PTPRD: variants seen among roughly 807,000 people sequenced by gnomAD.
The protein encoded by PTPRD is protein tyrosine phosphatase receptor type D, also known as receptor-type tyrosine-protein phosphatase delta.
PTPRD carries 34 observed loss-of-function variants against 214.5 expected under a neutral mutation model. That is an observed-to-expected ratio of 0.16 (90% confidence interval 0.12 to 0.21). The LOEUF is 0.21. PTPRD is among the 10% of genes least tolerant of loss of function. The pLI, the probability that PTPRD is intolerant of heterozygous loss-of-function variation, is 1.00. For synonymous variants in PTPRD, 1,128 were observed against 845.7 expected (o/e 1.33, Z -5.79); for missense variants, 2,545 against 2,398.7 (o/e 1.06, Z -1.27).
chr9:9,981,815 A>G (rs751908287), intron 4 of PTPRD, among the ~76,000 whole-genome samples: 3 of 152,278 alleles, frequency 2.0e-5, no homozygotes, highest in Middle Eastern at 3.4e-3. Flanking sequence ...CATAACAACT[A>G]TCATCTAAAA....
At chr9:10,296,065 A>G (rs2095664221) in intron 3 of PTPRD, among the ~76,000 whole-genome samples, 1 of 152,222 alleles carries the variant, frequency 6.6e-6, no homozygotes, top group East Asian at 1.9e-4. Flanking sequence ...TATCACCACT[A>G]AACATGAACC....
intron 10 of PTPRD, among the ~76,000 whole-genome samples, chr9:9,070,168 A>G (rs2099741693): frequency 6.6e-6 from 1 of 152,178 alleles, no homozygotes; most frequent in Non-Finnish European, 1.5e-5. Context: ...AATTAGCTAG[A>G]TTCTGTCTTG....
chr9:8,758,283 G>A (rs1387199548), intron 11 of PTPRD, among the ~76,000 whole-genome samples: 1 of 152,092 alleles, frequency 6.6e-6, no homozygotes. Flanking sequence ...TCCTGAGATG[G>A]TACAAATGTA....
At chr9:10,493,273 A>C (rs891228218) in intron 2 of PTPRD, among the ~76,000 whole-genome samples, 3 of 152,172 alleles carry the variant, frequency 2.0e-5, no homozygotes, top group Non-Finnish European at 4.4e-5. Context: ...GAACCAAAAA[A>C]AGAACCTGTA....
chr9:9,681,627 A>C (rs1680355180), intron 7 of PTPRD, among the ~76,000 whole-genome samples: 1 of 151,740 alleles, frequency 6.6e-6, no homozygotes, highest in Non-Finnish European at 1.5e-5. Context: ...AAAGAAGCAA[A>C]CACCAGATTG....
At chr9:8,447,931 C>A (rs2095798635) in intron 34 of PTPRD, among the ~76,000 whole-genome samples, 3 of 152,100 alleles carry the variant, frequency 2.0e-5, no homozygotes, top group African/African-American at 7.2e-5. Context: ...GTAAGAAATG[C>A]AAGGAATCAT....
intron 8 of PTPRD, among the ~76,000 whole-genome samples, chr9:9,448,456 C>T (rs1223313499): frequency 6.6e-6 from 1 of 152,082 alleles, no homozygotes; most frequent in Non-Finnish European, 1.5e-5. Flanking sequence ...TTCATTCTCT[C>T]TCTCTCCTGC....
At chr9:10,472,934 G>C (rs906073909) in intron 2 of PTPRD, among the ~76,000 whole-genome samples, 2 of 151,832 alleles carry the variant, frequency 1.3e-5, no homozygotes, top group Non-Finnish European at 2.9e-5. Flanking sequence ...AGTTAAGCAA[G>C]AGATTATATT....
At chr9:9,093,677 C>T (rs566422718) in intron 10 of PTPRD, among the ~76,000 whole-genome samples, 3 of 150,446 alleles carry the variant, frequency 2.0e-5, no homozygotes, top group South Asian at 4.2e-4. Flanking sequence ...GGCGGGGGGG[C>T]GGATGTAGCT....
At chr9:9,791,758 G>A in intron 5 of PTPRD, among the ~76,000 whole-genome samples, 1 of 151,986 alleles carries the variant, frequency 6.6e-6, no homozygotes, top group Middle Eastern at 3.4e-3. Context: ...TTTTTTGATT[G>A]GAAATAGTAT....
At chr9:8,681,102 C>G (rs1422692749) in intron 12 of PTPRD, among the ~76,000 whole-genome samples, 1 of 152,176 alleles carries the variant, frequency 6.6e-6, no homozygotes, top group African/African-American at 2.4e-5. Flanking sequence ...CACATTCTGC[C>G]TGTGGCCCTC....
intron 2 of PTPRD, among the ~76,000 whole-genome samples, chr9:10,530,920 C>T (rs989666792): frequency 2.6e-5 from 4 of 151,648 alleles, no homozygotes; most frequent in African/African-American, 4.8e-5. Context: ...TATAATTAAT[C>T]GATACAGACA....
At chr9:9,782,300 AT>A (rs778053689) in intron 5 of PTPRD, among the ~76,000 whole-genome samples, 2 of 152,094 alleles carry the variant, frequency 1.3e-5, no homozygotes, top group Non-Finnish European at 2.9e-5. Flanking sequence ...CCTAATTTAA[AT>A]TATAATTTAA....
At chr9:9,583,241 A>G (rs2091220705) in intron 7 of PTPRD, among the ~76,000 whole-genome samples, 1 of 152,104 alleles carries the variant, frequency 6.6e-6, no homozygotes, top group Non-Finnish European at 1.5e-5. Flanking sequence ...AATAACATCA[A>G]ACAACTCATT....
At chr9:9,890,917 A>C (rs1375127928) in intron 5 of PTPRD, among the ~76,000 whole-genome samples, 1 of 152,186 alleles carries the variant, frequency 6.6e-6, no homozygotes, top group Non-Finnish European at 1.5e-5. Flanking sequence ...CCATCAGAGT[A>C]GCTGAATCTA....
intron 2 of PTPRD, among the ~76,000 whole-genome samples, chr9:10,351,367 T>A (rs2097179474): frequency 6.6e-6 from 1 of 152,110 alleles, no homozygotes; most frequent in African/African-American, 2.4e-5. Flanking sequence ...CACTAACCAA[T>A]CTGTTTCTTT....
intron 11 of PTPRD, among the ~76,000 whole-genome samples, chr9:8,753,804 A>C (rs1236088837): frequency 6.6e-6 from 1 of 152,218 alleles, no homozygotes; most frequent in Non-Finnish European, 1.5e-5. Flanking sequence ...TAAATTAAAG[A>C]AGACTTAAAT....
intron 11 of PTPRD, among the ~76,000 whole-genome samples, chr9:8,748,887 G>A (rs1451613049): frequency 6.6e-6 from 1 of 152,064 alleles, no homozygotes; most frequent in Non-Finnish European, 1.5e-5. Flanking sequence ...TCCAGCCTGG[G>A]TAATAAGAGC....
At chr9:9,387,239 C>G (rs1344476643) in intron 9 of PTPRD, among the ~76,000 whole-genome samples, 1 of 152,120 alleles carries the variant, frequency 6.6e-6, no homozygotes, top group Non-Finnish European at 1.5e-5. Context: ...AATGTTTTAT[C>G]CTTCCTGGCA....
Sources: gnomAD v4.1 joint callset for allele counts (sites outside exome capture counted in the v4.1 genomes callset) on GRCh38, gnomAD v4.1.1 for gene constraint, MANE v1.5 for transcripts, NCBI Gene and HGNC (gene_info 2026-07-23, HGNC 2026-07-21) for gene names.